Variants in BCAR1 observed in about 807,000 individuals in gnomAD.
BCAR1 encodes breast cancer anti-estrogen resistance protein 1.
A neutral mutation model predicts 67.6 loss-of-function variants in BCAR1; 30 were observed. The ratio of observed to expected loss-of-function variants is 0.44; its 90% CI spans 0.33 to 0.60. The LOEUF (loss-of-function observed/expected upper bound fraction) is 0.60, where lower values mean the gene tolerates loss of function less well. BCAR1 is among the 20% of genes least tolerant of loss of function. The pLI, the probability that BCAR1 is intolerant of heterozygous loss-of-function variation, is 0.02. For missense variants in BCAR1, 1,313 were observed against 1,222.3 expected, an observed-to-expected ratio of 1.07 and a Z score of -1.11; for synonymous variants, 626 against 556.7, an observed-to-expected ratio of 1.12 and a Z score of -1.75.
chr16:75,237,952 G>A (rs1212813413), intron 2 of BCAR1: 11 of 1,051,230 alleles, frequency 1.0e-5, no homozygotes, highest in Non-Finnish European at 1.4e-5. Flanking sequence ...CGCAGCAGCT[G>A]GGACCAAGGC....
At chr16:75,240,617 T>A (rs1275576180) in intron 2 of BCAR1, among the ~76,000 whole-genome samples, 1 of 152,216 alleles carries the variant, frequency 6.6e-6, no homozygotes, top group African/African-American at 2.4e-5. Flanking sequence ...GAAAATTTCA[T>A]CTCCAGACTT....
chr16:75,239,767 G>A (rs916522191), intron 2 of BCAR1, among the ~76,000 whole-genome samples: 2 of 152,154 alleles, frequency 1.3e-5, no homozygotes, highest in South Asian at 4.1e-4. Context: ...CACCACCATA[G>A]CCCGCTCCCC....
At chr16:75,234,124 A>G (rs747835023) in intron 5 of BCAR1, among the ~76,000 whole-genome samples, 189 bp from the exon 6 acceptor site, 5 of 146,880 alleles carry the variant, frequency 3.4e-5, no homozygotes, top group Non-Finnish European at 7.5e-5. Context: ...AGCACACGTG[A>G]ACACACACAC....
At chr16:75,266,785 G>T in intron 1 of BCAR1, 1 of 1,441,092 alleles carries the variant, frequency 6.9e-7, no homozygotes, top group Non-Finnish European at 9.2e-7. Context: ...AGCATCTAGA[G>T]CAAGTGGGGC....
chr16:75,246,432 G>A (rs2151449297), intron 1 of BCAR1: 1 of 152,382 alleles, frequency 6.6e-6, no homozygotes, highest in East Asian at 1.9e-4. Context: ...AGAAAGTGGG[G>A]TGCCAAAAAT....
rs765322151 is a variant in BCAR1 at position 75,236,983 on chromosome 16, G to A, written c.811C>T (p.Pro271Ser). 1.9e-6 allele frequency: 3 copies of A among 1,605,502 alleles called. No individual in the cohort carries two copies. In the South Asian group the frequency reaches 3.4e-5, roughly 18 times the overall value. Residue 271 changes from proline (P) to serine (S), a missense_variant, in exon 4 of 7, where the codon CCC (proline) becomes TCC (serine). Transcript: ENST00000162330. The part of the protein sequence containing the change: ...QYGQEVYDTP[P>S]MAVKGPNGRD... Reference sequence around the variant, plus strand: ...CCATTGGGACCCTTGACAGCCATGGGGGGTGTGTCATACACCTGGGGCAGA... The same window carrying A: ...CCATTGGGACCCTTGACAGCCATGGAGGGTGTGTCATACACCTGGGGCAGA...
intron 1 of BCAR1, among the ~76,000 whole-genome samples, chr16:75,267,397 G>C (rs1290418873): frequency 2.8e-5 from 4 of 144,370 alleles, no homozygotes; most frequent in East Asian, 1.9e-4. Flanking sequence ...AGCAAGCCGG[G>C]GGGGGGGTGG....
rs1567577134 is a variant in BCAR1 at position 75,229,562 on chromosome 16, G to A, written c.2562C>T (p.Gly854=). The stretch of plus-strand genomic sequence containing the variant: ...CGCGGCGGAACTGCTGGGTGCTGTG[G>A]CCCAGCTCCTTGACCCTCTCCACCA... The part of the protein sequence containing the change: ...QDMVERVKEL[G]HSTQQFRRVL... The change falls in exon 7 of 7, where the codon GGC becomes GGT. Residue 854 remains glycine (G), a synonymous_variant. Transcript: ENST00000162330. 1 of 1,607,276 alleles carries A rather than the reference G, an allele frequency of 6.2e-7. No individual in the cohort carries two copies. The highest frequency in any genetic ancestry group is 8.5e-7 in the Non-Finnish European group (1 of 1,177,838).
At chr16:75,239,828 C>T (rs1206584656) in intron 2 of BCAR1, among the ~76,000 whole-genome samples, 1 of 152,188 alleles carries the variant, frequency 6.6e-6, no homozygotes, top group African/African-American at 2.4e-5. Flanking sequence ...ACAGGGGAGC[C>T]TGGGGCAAGA....
At chr16:75,260,535 G>T (rs899180830) in intron 1 of BCAR1, among the ~76,000 whole-genome samples, 1 of 151,286 alleles carries the variant, frequency 6.6e-6, no homozygotes, top group Non-Finnish European at 1.5e-5. Flanking sequence ...TTGGGAGGCT[G>T]AGGCAAGAGA....
chr16:75,264,172 A>G (rs2077958916), intron 1 of BCAR1: 2 of 1,325,966 alleles, frequency 1.5e-6, no homozygotes, highest in Non-Finnish European at 1.9e-6. Flanking sequence ...AGTGCCAAAG[A>G]AGGCTGCCCA....
chr16:75,247,935 T>G, intron 1 of BCAR1: 1 of 779,560 alleles, frequency 1.3e-6, no homozygotes, highest in South Asian at 1.4e-5. Context: ...AGTGCCACAC[T>G]TGTCACTAAG....
Position 75,251,520 on chromosome 16 carries a change from G to A in BCAR1, c.-38C>T. 3 of 1,293,182 alleles carry A rather than the reference G, an allele frequency of 2.3e-6. No individual in the cohort carries two copies. The highest frequency in any genetic ancestry group is 2.9e-6 in the Non-Finnish European group (3 of 1,018,900). The allele number at this position is 1,293,182 out of a possible 1,614,324, so 80.1% of individuals were successfully genotyped here. A position where few individuals can be genotyped will look rare whatever the true frequency, so the allele number is the denominator to read the frequency against. The stretch of plus-strand genomic sequence containing the variant: ...GCCTGGGGCCCCGGCTCTCGCGGGG[G>A]CGCACACCGAGCTGCCCGGGCCGCG... On this transcript the variant is annotated 5_prime_UTR_variant, in exon 1 of 7. Coordinates refer to ENST00000162330, the MANE Select transcript of BCAR1 (RefSeq NM_014567.5).
upstream of BCAR1, among the ~76,000 whole-genome samples, chr16:75,252,685 G>A (rs575672162): frequency 5.3e-5 from 8 of 152,338 alleles, no homozygotes; most frequent in East Asian, 1.2e-3. Flanking sequence ...GGGAAGCAGC[G>A]GGGTAGACCC....
At chr16:75,237,074 C>T in intron 3 of BCAR1, 76 bp from the exon 4 acceptor site, 2 of 1,525,674 alleles carry the variant, frequency 1.3e-6, no homozygotes, top group Non-Finnish European at 1.8e-6. Context: ...CCCCGCAGCA[C>T]CGTCCCCAGG....
intron 1 of BCAR1, chr16:75,264,844 T>A: frequency 4.4e-6 from 1 of 225,830 alleles, no homozygotes; most frequent in Non-Finnish European, 8.1e-6. Flanking sequence ...GAAAAGCCCC[T>A]AACTAGGCAG....
In BCAR1 at chr16:75,243,049, G is replaced by T; in HGVS notation, c.54C>A (p.Ser18=). 6.2e-7 allele frequency: 1 copy of T among 1,608,184 alleles called. No individual in the cohort carries two copies. Among genetic ancestry groups the T allele is most frequent in the Non-Finnish European group, 8.5e-7 (1 of 1,175,732 alleles). ...CCTTGCGGAAGGAGAGCTCATCCGGGGACTCGGCCACATTGTCATAGAGCG... is the reference window on the plus strand; with the variant it reads ...CCTTGCGGAAGGAGAGCTCATCCGGTGACTCGGCCACATTGTCATAGAGCG... ...AKALYDNVAE[S]PDELSFRKGD... is the part of the protein sequence containing the mutation. The change falls in exon 2 of 7, where the codon TCC becomes TCA. Residue 18 remains serine, a synonymous_variant. Coordinates refer to ENST00000162330, the MANE Select transcript of BCAR1 (RefSeq NM_014567.5).
Position 75,242,604 on chromosome 16 carries a change from C to G in BCAR1, c.499G>C (p.Val167Leu). ...FPSPATDLYQ[V>L]PPGPGGPAQD... ...GCAGGGCCTCCAGGCCCTGGGGGCA[C>G]CTGGTACAGGTCTGTGGCCGGGCTG... Residue 167 changes from valine (V) to leucine (L), a missense_variant, in exon 2 of 7, where the codon GTG becomes CTG. This residue lies in a region of BCAR1 where 1,272 missense variants were observed against 1,137.5 expected (regional missense o/e 1.12). Coordinates refer to ENST00000162330, the MANE Select transcript of BCAR1 (RefSeq NM_014567.5). 1 of 1,499,752 alleles carries G rather than the reference C, an allele frequency of 6.7e-7. No individual in the cohort carries two copies. Among genetic ancestry groups the G allele is most frequent in the South Asian group, 1.4e-5 (1 of 72,846 alleles). The allele number at this position is 1,499,752 out of a possible 1,614,324, so 92.9% of individuals were successfully genotyped here.
At chr16:75,266,030 C>CG (rs2078004183) in intron 1 of BCAR1, 1 of 1,028,620 alleles carries the variant, frequency 9.7e-7, no homozygotes, top group African/African-American at 1.7e-5. Context: ...CCGCCCCCCC[C>CG]ACCGTCTCCG....
Sources: gnomAD v4.1 joint callset for allele counts (sites outside exome capture counted in the v4.1 genomes callset) on GRCh38, gnomAD v4.1.1 for gene constraint, gnomAD v4.1.1 regional missense constraint, MANE v1.5 for transcripts, NCBI Gene and HGNC (gene_info 2026-07-23, HGNC 2026-07-21) for gene names.